SMYD3: variants seen among roughly 807,000 people sequenced by gnomAD.
SMYD3 encodes histone-lysine N-methyltransferase SMYD3.
Under a neutral mutation model 57.7 loss-of-function variants are expected in SMYD3, and 36 were observed. The ratio of observed to expected loss-of-function variants is 0.62; its 90% CI spans 0.48 to 0.82. The LOEUF is 0.82. Ranked by LOEUF, SMYD3 falls within the 40% of genes least tolerant of loss-of-function variation. The probability of loss-of-function intolerance (pLI) is 0.00; values close to 1 mark genes in which losing one functional copy is unlikely to be tolerated. For missense variants in SMYD3, 515 were observed against 538.8 expected (o/e 0.96, Z 0.44); for synonymous variants, 211 against 195.0 (o/e 1.08, Z -0.68).
intron 5 of SMYD3, among the ~76,000 whole-genome samples, chr1:246,102,909 T>C (rs1370680356): frequency 6.6e-6 from 1 of 152,050 alleles, no homozygotes; most frequent in Non-Finnish European, 1.5e-5. Context: ...ACAAAAACTA[T>C]TCTCCTTCAC....
intron 10 of SMYD3, among the ~76,000 whole-genome samples, chr1:245,800,225 T>C (rs1207378740): frequency 6.6e-6 from 1 of 152,100 alleles, no homozygotes; most frequent in Non-Finnish European, 1.5e-5. Context: ...GTAGTTCACT[T>C]TACTCTCACA....
chr1:245,776,751 C>T (rs143148466), intron 10 of SMYD3, among the ~76,000 whole-genome samples: 101 of 152,286 alleles, frequency 6.6e-4, no homozygotes, highest in African/African-American at 2.4e-3. Context: ...AAAATATAGC[C>T]TGTTGTAGCA....
chr1:245,888,104 C>A (rs1305983864), intron 8 of SMYD3, among the ~76,000 whole-genome samples: 1 of 152,166 alleles, frequency 6.6e-6, no homozygotes, highest in Non-Finnish European at 1.5e-5. Flanking sequence ...CCTGGACTCT[C>A]CACAGCAGCT....
At chr1:245,853,971 T>G (rs1047781263) in intron 10 of SMYD3, among the ~76,000 whole-genome samples, 2 of 152,204 alleles carry the variant, frequency 1.3e-5, no homozygotes, top group Non-Finnish European at 1.5e-5. Flanking sequence ...CCACCTCCCT[T>G]GCCTCTTTCT....
chr1:245,870,963 G>A (rs1433926075), intron 8 of SMYD3, among the ~76,000 whole-genome samples: 1 of 152,144 alleles, frequency 6.6e-6, no homozygotes, highest in Non-Finnish European at 1.5e-5. Context: ...TTAAAAAGAA[G>A]AGGAACAGGA....
intron 3 of SMYD3, among the ~76,000 whole-genome samples, chr1:246,331,323 A>G (rs2065458427): frequency 6.6e-6 from 1 of 152,214 alleles, no homozygotes; most frequent in South Asian, 2.1e-4. Flanking sequence ...TAAGATAAGT[A>G]CTCTTCCAGT....
At chr1:246,396,903 G>A (rs982597408) in intron 1 of SMYD3, among the ~76,000 whole-genome samples, 1 of 152,180 alleles carries the variant, frequency 6.6e-6, no homozygotes, top group African/African-American at 2.4e-5. Context: ...ATAGCAGTGT[G>A]AGAACTAATA....
intron 5 of SMYD3, among the ~76,000 whole-genome samples, chr1:246,241,411 T>C (rs1475341517): frequency 6.6e-6 from 1 of 152,220 alleles, no homozygotes; most frequent in African/African-American, 2.4e-5. Flanking sequence ...TTTGCGTATG[T>C]TGAACCAGCC....
At chr1:245,818,455 G>T (rs1408760607) in intron 10 of SMYD3, among the ~76,000 whole-genome samples, 2 of 152,112 alleles carry the variant, frequency 1.3e-5, no homozygotes, top group Non-Finnish European at 2.9e-5. Context: ...AAAATGTAAA[G>T]ACCATTGAGA....
At position 246,416,371 on chromosome 1, in the gene SMYD3, A is replaced by C. The variant is rs78393367; in HGVS notation, c.165-61277T>G. The stretch of plus-strand genomic sequence containing the variant: ...TACTGTGACTTAAAGGTTCTAATTA[A>C]GTTTTTTTCTTTGAAGCTTAGTATT... On this transcript the variant is annotated intron_variant, in intron 1 of 11. Coordinates refer to ENST00000490107, the MANE Select transcript of SMYD3 (RefSeq NM_001167740.2). Among the ~76,000 whole-genome samples, 478 of 152,316 alleles carry C rather than the reference A, an allele frequency of 3.1e-3. 13 individuals are homozygous for C. Among genetic ancestry groups the C allele is most frequent in the East Asian group, 0.018 (91 of 5,182 alleles).
At chr1:246,048,956 T>C (rs1328901623) in intron 5 of SMYD3, among the ~76,000 whole-genome samples, 3 of 152,100 alleles carry the variant, frequency 2.0e-5, no homozygotes, top group African/African-American at 2.4e-5. Context: ...GCGATAGTTA[T>C]TAATTAAGGA....
At chr1:245,751,596 GAGAGAGAGAGAA>G (rs1440136944) in intron 11 of SMYD3, among the ~76,000 whole-genome samples, 111 of 137,202 alleles carry the variant, frequency 8.1e-4, no homozygotes, top group African/African-American at 3.6e-3. Context: ...GAGAGAGAAA[GAGAGAGAGAGAA>G]AGAGAGAGAG....
intron 1 of SMYD3, among the ~76,000 whole-genome samples, chr1:246,420,803 G>A (rs535538675): frequency 2.6e-5 from 4 of 152,290 alleles, no homozygotes; most frequent in Admixed American, 6.5e-5. Context: ...AGAAATTGCC[G>A]TGGAGCAGGG....
intron 5 of SMYD3, among the ~76,000 whole-genome samples, chr1:246,290,272 T>C (rs1286185289): frequency 6.6e-6 from 1 of 152,224 alleles, no homozygotes; most frequent in Non-Finnish European, 1.5e-5. Flanking sequence ...ATCTAAACTT[T>C]TGGCCAATTT....
At chr1:245,892,896 T>C (rs2053481910) in intron 8 of SMYD3, among the ~76,000 whole-genome samples, 1 of 152,160 alleles carries the variant, frequency 6.6e-6, no homozygotes, top group Non-Finnish European at 1.5e-5. Flanking sequence ...TATTTCAAAA[T>C]TTAAAACTTC....
intron 5 of SMYD3, among the ~76,000 whole-genome samples, chr1:246,016,444 G>T (rs770982162): frequency 1.3e-5 from 2 of 151,360 alleles, no homozygotes; most frequent in African/African-American, 2.4e-5. Context: ...TTAGCCAGGC[G>T]TGGTGGCATG....
chr1:246,028,413 T>C (rs1014827928), intron 5 of SMYD3, among the ~76,000 whole-genome samples: 1 of 151,992 alleles, frequency 6.6e-6, no homozygotes, highest in African/African-American at 2.4e-5. Context: ...ACAAAATCAA[T>C]ATACAAAACT....
At chr1:245,913,375 G>C (rs1382789867) in intron 8 of SMYD3, among the ~76,000 whole-genome samples, 1 of 148,192 alleles carries the variant, frequency 6.7e-6, no homozygotes. Context: ...TGTGGGGGGA[G>C]GGGGGAGGGA....
rs146014818 is a variant in SMYD3 at position 245,998,845 on chromosome 1, C to T, written c.532-68908G>A. ...AAGGAAAGGAATTCTAATAATGCTA[C>T]GGCACAGACAAACCTTGAAGAGATT... On this transcript the variant is annotated intron_variant, in intron 5 of 11. Coordinates refer to ENST00000490107, the MANE Select transcript of SMYD3 (RefSeq NM_001167740.2). Among the ~76,000 whole-genome samples, 24 of 152,208 alleles carry T rather than the reference C, an allele frequency of 1.6e-4. No individual in the cohort carries two copies. The South Asian group carries it at 2.3e-3, about 14-fold the overall frequency.
Sources: allele counts gnomAD v4.1 joint callset (sites outside exome capture counted in the v4.1 genomes callset), GRCh38; gene constraint gnomAD v4.1.1; transcripts MANE v1.5; gene names NCBI Gene and HGNC (gene_info 2026-07-23, HGNC 2026-07-21).